The following CLVS1 variants were observed in gnomAD, a reference collection of about 807,000 sequenced individuals.
CLVS1 encodes clavesin-1.
CLVS1 carries 10 observed loss-of-function variants against 33.1 expected under a neutral mutation model. The ratio of observed to expected loss-of-function variants is 0.30; its 90% confidence interval spans 0.19 to 0.51. The LOEUF (loss-of-function observed/expected upper bound fraction) is 0.51. Ranked by LOEUF, CLVS1 falls within the 20% of genes least tolerant of loss-of-function variation. The pLI is 0.97. For missense variants in CLVS1, 343 were observed against 433.4 expected, an observed-to-expected ratio of 0.79 and a Z score of 1.85; for synonymous variants, 163 against 166.1, an observed-to-expected ratio of 0.98 and a Z score of 0.14.
At chr8:60,970,680 C>T in the CLVS1 span, among the ~76,000 whole-genome samples, 1 of 152,174 alleles carries the variant, frequency 6.6e-6, no homozygotes, top group Non-Finnish European at 1.5e-5. Flanking sequence ...ATGACCTTTC[C>T]TTTGAAATCT....
chr8:61,441,182 A>G (rs1183916076), intron 3 of CLVS1, among the ~76,000 whole-genome samples: 1 of 152,200 alleles, frequency 6.6e-6, no homozygotes, highest in Non-Finnish European at 1.5e-5. Flanking sequence ...TGTCATTGGT[A>G]GGGCATGCAT....
chr8:61,300,351 G>C (rs1281192981), intron 2 of CLVS1, 69 bp downstream of exon 2: 15 of 1,331,218 alleles, frequency 1.1e-5, no homozygotes, highest in Non-Finnish European at 1.5e-5. Flanking sequence ...GTTTGGGGTT[G>C]TATGGCTTTA....
chr8:61,401,804 T>C (rs112534009), intron 3 of CLVS1, among the ~76,000 whole-genome samples: 3,144 of 152,334 alleles, frequency 0.021, 91 homozygotes, highest in African/African-American at 0.071. Flanking sequence ...CTGTTTTATC[T>C]CTACTCTTCA....
chr8:61,208,623 T>G (rs1310393998), intron 2 of CLVS1, among the ~76,000 whole-genome samples: 2 of 152,066 alleles, frequency 1.3e-5, no homozygotes, highest in Non-Finnish European at 2.9e-5. Flanking sequence ...GGAGTCTCAC[T>G]CTGTCGCCAG....
chr8:61,173,135 TAA>T (rs1807041137), intron 2 of CLVS1, among the ~76,000 whole-genome samples: 1 of 152,182 alleles, frequency 6.6e-6, no homozygotes, highest in African/African-American at 2.4e-5. Context: ...GTTCCTTCTT[TAA>T]TTATTATCTG....
chr8:61,433,841 G>T lies in CLVS1; in HGVS notation c.631-20300G>T, dbSNP rs141128720. Among the ~76,000 whole-genome samples, 1,337 of 152,218 alleles carry T rather than the reference G, an allele frequency of 8.8e-3. 14 individuals carry two copies. Among genetic ancestry groups the T allele is most frequent in the South Asian group, 0.039 (188 of 4,826 alleles). ...AGGCAGGAGAATTGCTTAAACCCAG[G>T]AAGTGGAGGTTGCAGTGAGCCAAGA... On this transcript the variant is annotated intron_variant, in intron 3 of 5. Transcript: ENST00000325897.
intron 2 of CLVS1, among the ~76,000 whole-genome samples, chr8:61,177,434 G>A (rs1398954832): frequency 2.6e-5 from 4 of 152,186 alleles, no homozygotes; most frequent in African/African-American, 4.8e-5. Context: ...CAGCCCAGAC[G>A]AGTAAGATTC....
chr8:61,346,743 A>G (rs1453550621), intron 2 of CLVS1, among the ~76,000 whole-genome samples: 1 of 152,214 alleles, frequency 6.6e-6, no homozygotes, highest in African/African-American at 2.4e-5. Context: ...TAGTCCTGCA[A>G]TCATGGGTTT....
At chr8:61,329,677 A>G (rs888895722) in intron 2 of CLVS1, among the ~76,000 whole-genome samples, 1 of 152,188 alleles carries the variant, frequency 6.6e-6, no homozygotes, top group African/African-American at 2.4e-5. Context: ...TTAAATCACA[A>G]TTTGAAGCTA....
chr8:61,349,137 T>A (rs1323229643), intron 2 of CLVS1, among the ~76,000 whole-genome samples: 4 of 152,180 alleles, frequency 2.6e-5, no homozygotes, highest in Non-Finnish European at 4.4e-5. Flanking sequence ...GATGTATGGT[T>A]TGCAAGTATT....
the CLVS1 span, among the ~76,000 whole-genome samples, chr8:61,028,985 C>T: frequency 6.6e-6 from 1 of 152,214 alleles, no homozygotes. Flanking sequence ...CCCAAGAACA[C>T]ACATCTGTAA....
At chr8:61,247,873 G>A (rs1808851446) in intron 2 of CLVS1, among the ~76,000 whole-genome samples, 1 of 152,102 alleles carries the variant, frequency 6.6e-6, no homozygotes, top group Non-Finnish European at 1.5e-5. Flanking sequence ...CTAGGTCCAG[G>A]ATGGGAGTGC....
At position 61,130,240 on chromosome 8, in the gene CLVS1, AAAATAAATAAAT is replaced by A. The variant is rs78418007; in HGVS notation, c.-242-1504_-242-1493del. ...GAGACAGAGTGAGACTCTGTCTCAA[AAAATAAATAAAT>A]AAATAAATAAATAAATAAATAAATA... On this transcript the variant is annotated intron_variant, in intron 1 of 2. Transcript: ENST00000522621. Among the ~76,000 whole-genome samples the A allele has an allele frequency of 4.9e-4, 68 of 140,090 alleles. 1 individual carries two copies. The highest frequency in any genetic ancestry group is 1.5e-3 in the Admixed American group (21 of 13,994). 91.9% of individuals were successfully genotyped at this position (140,090 alleles called of 152,430 possible).
At chr8:61,383,018 G>T (rs1813946213) in intron 3 of CLVS1, among the ~76,000 whole-genome samples, 1 of 152,174 alleles carries the variant, frequency 6.6e-6, no homozygotes, top group South Asian at 2.1e-4. Flanking sequence ...AATGAAGAGG[G>T]CAGCCCTTGT....
At chr8:61,429,683 T>C (rs73257382) in intron 3 of CLVS1, among the ~76,000 whole-genome samples, 2,805 of 152,258 alleles carry the variant, frequency 0.018, 102 homozygotes, top group African/African-American at 0.065. Context: ...TCCAAAAGCA[T>C]TTCTGAAAGA....
At chr8:61,128,672 T>C (rs1230253770) in intron 1 of CLVS1, among the ~76,000 whole-genome samples, 1 of 152,242 alleles carries the variant, frequency 6.6e-6, no homozygotes, top group Non-Finnish European at 1.5e-5. Context: ...TGGGTCAGGT[T>C]TGACATTCAA....
chr8:61,312,663 G>A (rs977470467), intron 2 of CLVS1, among the ~76,000 whole-genome samples: 4 of 152,168 alleles, frequency 2.6e-5, no homozygotes, highest in African/African-American at 9.7e-5. Flanking sequence ...AATGCTCCCA[G>A]GCATTGAGCA....
intron 2 of CLVS1, among the ~76,000 whole-genome samples, chr8:61,364,218 A>G (rs1156921463): frequency 6.6e-6 from 1 of 152,232 alleles, no homozygotes; most frequent in East Asian, 1.9e-4. Flanking sequence ...GTCAAGACCA[A>G]GAGTTCTTTC....
At chr8:61,367,154 G>T (rs559477113) in intron 2 of CLVS1, among the ~76,000 whole-genome samples, 1 of 151,932 alleles carries the variant, frequency 6.6e-6, no homozygotes, top group Non-Finnish European at 1.5e-5. Context: ...GGAGCTGCTC[G>T]ACTCCAGTCC....
Sources: allele counts gnomAD v4.1 joint callset (sites outside exome capture counted in the v4.1 genomes callset), GRCh38; gene constraint gnomAD v4.1.1; transcripts MANE v1.5; gene names NCBI Gene and HGNC (gene_info 2026-07-23, HGNC 2026-07-21).